Variants in NDUFS4 observed in about 807,000 individuals in gnomAD.
NDUFS4 encodes the protein NADH:ubiquinone oxidoreductase subunit S4.
Under a neutral mutation model 24.3 loss-of-function variants are expected in NDUFS4, and 28 were observed. The observed-to-expected ratio is 1.15, with a 90% CI of 0.85 to 1.58. The LOEUF is 1.58. NDUFS4 is among the 40% of genes most tolerant of loss of function. NDUFS4 has a pLI of 0.00. For missense variants in NDUFS4, 223 were observed against 207.9 expected, an observed-to-expected ratio of 1.07 and a Z score of -0.45; for synonymous variants, 93 against 69.7, an observed-to-expected ratio of 1.34 and a Z score of -1.67.
At position 53,683,116 on chromosome 5, in the gene NDUFS4, A is replaced by T; in HGVS notation, c.425-2A>T. On this transcript the variant is annotated splice_acceptor_variant, in intron 4 of 4. Coordinates refer to ENST00000296684, the MANE Select transcript of NDUFS4 (RefSeq NM_002495.4). LOFTEE classifies it high-confidence loss of function. Reference sequence around the variant, plus strand: ...GGATTTGTCTTTGTTTTTTCCTCCTAGGATGGAGCTATGACATTGAAGAGA... The same window carrying T: ...GGATTTGTCTTTGTTTTTTCCTCCTTGGATGGAGCTATGACATTGAAGAGA... The T allele has an allele frequency of 6.3e-6, 10 of 1,582,146 alleles. No homozygotes were observed. The highest frequency in any genetic ancestry group is 8.7e-6 in the Non-Finnish European group (10 of 1,151,336).
intron 2 of NDUFS4, among the ~76,000 whole-genome samples, chr5:53,639,704 T>C (rs1490767): frequency 6.6e-6 from 1 of 152,152 alleles, no homozygotes; most frequent in Non-Finnish European, 1.5e-5. Context: ...TTATTTTTCT[T>C]GTTTAAAAAT....
intron 1 of NDUFS4, among the ~76,000 whole-genome samples, chr5:53,582,250 TTAAAA>T (rs1319469562): frequency 3.6e-4 from 51 of 143,286 alleles, no homozygotes; most frequent in African/African-American, 1.3e-3. Context: ...TAAAATTAAA[TTAAAA>T]TAAAAATAAA....
intron 2 of NDUFS4, among the ~76,000 whole-genome samples, chr5:53,606,049 TGGTG>T (rs1288903580): frequency 7.6e-6 from 1 of 132,152 alleles, no homozygotes; most frequent in Admixed American, 7.7e-5. Context: ...CCGGGCATGG[TGGTG>T]GGCGCCTGTA....
At chr5:53,585,797 G>A (rs927895535) in intron 1 of NDUFS4, among the ~76,000 whole-genome samples, 1 of 150,952 alleles carries the variant, frequency 6.6e-6, no homozygotes, top group Non-Finnish European at 1.5e-5. Flanking sequence ...ACCTGTGCCT[G>A]TGTGTATTGT....
intron 2 of NDUFS4, among the ~76,000 whole-genome samples, chr5:53,638,851 G>A (rs1561379443): frequency 1.3e-5 from 2 of 151,988 alleles, no homozygotes; most frequent in Non-Finnish European, 2.9e-5. Context: ...TTCTAGTTTT[G>A]CATCAGTGTA....
chr5:53,616,919 A>T (rs1365561975), intron 2 of NDUFS4, among the ~76,000 whole-genome samples: 1 of 152,198 alleles, frequency 6.6e-6, no homozygotes, highest in East Asian at 1.9e-4. Context: ...ATACGATATA[A>T]CAATTTGGTG....
intron 1 of NDUFS4, among the ~76,000 whole-genome samples, chr5:53,583,754 G>A (rs1205638415): frequency 6.6e-6 from 1 of 152,180 alleles, no homozygotes; most frequent in Non-Finnish European, 1.5e-5. Flanking sequence ...TGGGTGGCAA[G>A]ATAAGACGCA....
chr5:53,579,376 T>C (rs1313610004), intron 1 of NDUFS4, among the ~76,000 whole-genome samples: 2 of 152,192 alleles, frequency 1.3e-5, no homozygotes, highest in Non-Finnish European at 2.9e-5. Flanking sequence ...ATTTACACAC[T>C]AGACAATTAC....
At chr5:53,677,750 T>C (rs2111597268) in intron 4 of NDUFS4, among the ~76,000 whole-genome samples, 1 of 152,332 alleles carries the variant, frequency 6.6e-6, no homozygotes, top group South Asian at 2.1e-4. Flanking sequence ...TCTGATCCCA[T>C]GCTTCAGTTG....
intron 2 of NDUFS4, among the ~76,000 whole-genome samples, chr5:53,617,320 CT>C (rs1327019409): frequency 1.3e-5 from 2 of 152,078 alleles, no homozygotes; most frequent in Admixed American, 1.3e-4. Flanking sequence ...GTTTGTATGG[CT>C]TTTCCCCTCT....
intron 2 of NDUFS4, among the ~76,000 whole-genome samples, chr5:53,607,518 A>G (rs1336899655): frequency 1.3e-5 from 2 of 152,228 alleles, no homozygotes; most frequent in East Asian, 1.9e-4. Context: ...GGGATTGGTA[A>G]TGACACTAAC....
intron 2 of NDUFS4, among the ~76,000 whole-genome samples, chr5:53,619,736 G>A (rs903637569): frequency 2.6e-5 from 4 of 151,816 alleles, no homozygotes; most frequent in Non-Finnish European, 4.4e-5. Flanking sequence ...AAGACAAATT[G>A]TTTTACAGTT....
At position 53,590,944 on chromosome 5, in the gene NDUFS4, T is replaced by C. The variant is rs1188439978; in HGVS notation, c.99-12508T>C. 2.6e-5 allele frequency among the ~76,000 whole-genome samples: 4 copies of C among 152,212 alleles called. No individual in the cohort carries two copies. The East Asian group carries it at 7.7e-4, about 29-fold the overall frequency. ...TACACAGTAATTCTCTATTCTTCTC[T>C]CTCATAAGCCCCTGGCAACTACCAT... is the stretch of plus-strand genomic sequence containing the variant. On this transcript the variant is annotated intron_variant, in intron 1 of 4. Transcript: ENST00000296684.
chr5:53,625,427 G>C (rs1395576904), intron 2 of NDUFS4, among the ~76,000 whole-genome samples: 2 of 151,946 alleles, frequency 1.3e-5, no homozygotes, highest in Non-Finnish European at 2.9e-5. Context: ...GGAAAATTTG[G>C]AAATTTTTCT....
At chr5:53,608,466 TTCAAAATTGGAA>T (rs1277296290) in intron 2 of NDUFS4, among the ~76,000 whole-genome samples, 1 of 152,228 alleles carries the variant, frequency 6.6e-6, no homozygotes, top group African/African-American at 2.4e-5. Flanking sequence ...TGGAACTTCT[TTCAAAATTGGAA>T]TCAAGCCTCT....
chr5:53,679,390 C>A (rs1261804925), intron 4 of NDUFS4, among the ~76,000 whole-genome samples: 1 of 152,098 alleles, frequency 6.6e-6, no homozygotes, highest in Non-Finnish European at 1.5e-5. Context: ...ACATTCCAAT[C>A]TCTGTCATGA....
chr5:53,575,833 C>T (rs931649777), intron 1 of NDUFS4, among the ~76,000 whole-genome samples: 10 of 152,216 alleles, frequency 6.6e-5, no homozygotes, highest in African/African-American at 2.4e-4. Flanking sequence ...TTAGCTACCA[C>T]ACCTGGCCTA....
intron 4 of NDUFS4, among the ~76,000 whole-genome samples, chr5:53,673,085 A>G (rs904683907): frequency 1.3e-5 from 2 of 152,164 alleles, no homozygotes; most frequent in Non-Finnish European, 2.9e-5. Flanking sequence ...GGTAAATAGA[A>G]CACATCTTGA....
intron 1 of NDUFS4, among the ~76,000 whole-genome samples, chr5:53,602,049 C>T (rs1305384897): frequency 2.0e-5 from 3 of 152,140 alleles, no homozygotes; most frequent in East Asian, 3.9e-4. Context: ...TAAAATGTAT[C>T]GTACAAGGAT....
Sources: allele counts gnomAD v4.1 joint callset (sites outside exome capture counted in the v4.1 genomes callset), GRCh38; gene constraint gnomAD v4.1.1; transcripts MANE v1.5; gene names NCBI Gene and HGNC (gene_info 2026-07-23, HGNC 2026-07-21).